The following NTRK2 variants were observed in gnomAD, a reference collection of about 807,000 sequenced individuals.
NTRK2 encodes the protein neurotrophic receptor tyrosine kinase 2, also known as BDNF/NT-3 growth factors receptor.
In NTRK2, 13 loss-of-function variants were observed where a neutral mutation model predicts 94.5. That is an observed-to-expected ratio of 0.14 (90% CI 0.09 to 0.22). NTRK2 has a LOEUF of 0.22. Among genes scored for constraint, NTRK2 ranks in the 10% least tolerant of loss-of-function variants. The pLI, the probability that NTRK2 is intolerant of heterozygous loss-of-function variation, is 1.00. For missense variants in NTRK2, 639 were observed against 1,071.2 expected (o/e 0.60, Z 5.63); for synonymous variants, 372 against 407.4 (o/e 0.91, Z 1.05).
intron 2 of NTRK2, among the ~76,000 whole-genome samples, chr9:84,679,416 G>A (rs2059261435): frequency 1.3e-5 from 2 of 152,172 alleles, no homozygotes. Context: ...CGACCTGTGG[G>A]CAGACCATCA....
At chr9:84,880,597 G>A (rs766494459) in intron 14 of NTRK2, among the ~76,000 whole-genome samples, 5 of 152,148 alleles carry the variant, frequency 3.3e-5, no homozygotes, top group African/African-American at 7.2e-5. Flanking sequence ...GCATTCATAC[G>A]TGGCATTCTT....
At chr9:84,945,801 T>G (rs529097876) in intron 15 of NTRK2, among the ~76,000 whole-genome samples, 20 of 152,350 alleles carry the variant, frequency 1.3e-4, no homozygotes, top group African/African-American at 4.8e-4. Context: ...CCCTGAGCAC[T>G]TGCTGACCCA....
At chr9:84,985,824 A>C (rs928673334) in intron 17 of NTRK2, among the ~76,000 whole-genome samples, 2 of 152,214 alleles carry the variant, frequency 1.3e-5, no homozygotes, top group African/African-American at 4.8e-5. Context: ...AGGATCACAC[A>C]GTTTAATTAA....
At chr9:84,920,862 A>G (rs2077543365) in intron 14 of NTRK2, among the ~76,000 whole-genome samples, 1 of 152,204 alleles carries the variant, frequency 6.6e-6, no homozygotes, top group Non-Finnish European at 1.5e-5. Context: ...TCATCAGCAG[A>G]TTACTTCCTC....
intron 12 of NTRK2, among the ~76,000 whole-genome samples, chr9:84,843,116 C>G (rs2074275046): frequency 6.6e-6 from 1 of 152,126 alleles, no homozygotes; most frequent in Admixed American, 6.5e-5. Context: ...CGGTGAGGAG[C>G]TAATAAAATG....
At chr9:85,020,002 TA>T (rs1488673379) in intron 17 of NTRK2, among the ~76,000 whole-genome samples, 1 of 152,214 alleles carries the variant, frequency 6.6e-6, no homozygotes, top group Admixed American at 6.5e-5. Flanking sequence ...TTGCAGATAA[TA>T]TTTTTTTAAA....
chr9:84,686,106 G>A (rs1236995204), intron 2 of NTRK2, among the ~76,000 whole-genome samples: 4 of 152,180 alleles, frequency 2.6e-5, no homozygotes, highest in Non-Finnish European at 4.4e-5. Context: ...TCATCAATAT[G>A]TAAATCTCTA....
At chr9:84,829,440 T>G (rs2131648569) in intron 12 of NTRK2, among the ~76,000 whole-genome samples, 1 of 152,356 alleles carries the variant, frequency 6.6e-6, no homozygotes, top group South Asian at 2.1e-4. Context: ...AGGTTCACTC[T>G]ATGGACTCCT....
At chr9:84,873,905 C>T (rs951208434) in intron 14 of NTRK2, 1 of 1,062,422 alleles carries the variant, frequency 9.4e-7, no homozygotes, top group South Asian at 4.6e-5. Context: ...GTCAGGGAGA[C>T]AGAGTGATAT....
chr9:85,018,743 A>T (rs1372553570), intron 17 of NTRK2, among the ~76,000 whole-genome samples: 1 of 152,130 alleles, frequency 6.6e-6, no homozygotes, highest in Non-Finnish European at 1.5e-5. Context: ...TTGAGTATCG[A>T]CCCTGAGGGT....
chr9:84,798,987 G>T (rs566489834), intron 12 of NTRK2, among the ~76,000 whole-genome samples: 2 of 145,212 alleles, frequency 1.4e-5, no homozygotes, highest in East Asian at 2.0e-4. Context: ...ATTATCATTA[G>T]CTCCATTTTA....
At chr9:84,703,829 G>A (rs1044646755) in intron 4 of NTRK2, among the ~76,000 whole-genome samples, 5 of 152,128 alleles carry the variant, frequency 3.3e-5, no homozygotes, top group African/African-American at 1.2e-4. Context: ...AATCATTTTT[G>A]CAGTCTGCAC....
intron 13 of NTRK2, among the ~76,000 whole-genome samples, chr9:84,866,467 G>A (rs1212563681): frequency 6.6e-6 from 1 of 152,210 alleles, no homozygotes; most frequent in Non-Finnish European, 1.5e-5. Context: ...GAAATTCCCA[G>A]AACAACTTTC....
At chr9:84,945,080 C>A (rs1466910716) in intron 15 of NTRK2, among the ~76,000 whole-genome samples, 1 of 152,208 alleles carries the variant, frequency 6.6e-6, no homozygotes, top group African/African-American at 2.4e-5. Flanking sequence ...AAGGGGAACA[C>A]AAGTTTGGGG....
chr9:84,745,650 C>G (rs531645260), intron 11 of NTRK2, among the ~76,000 whole-genome samples: 34 of 152,178 alleles, frequency 2.2e-4, no homozygotes, highest in African/African-American at 7.9e-4. Flanking sequence ...CTTTGTGGGG[C>G]AAGTGACTTT....
At chr9:84,734,447 G>C (rs2063110074) in intron 9 of NTRK2, among the ~76,000 whole-genome samples, 1 of 152,168 alleles carries the variant, frequency 6.6e-6, no homozygotes, top group Non-Finnish European at 1.5e-5. Flanking sequence ...CCCAGAAAAA[G>C]GATCTTGAGA....
chr9:84,689,003 G>A (rs1342476230), intron 2 of NTRK2, among the ~76,000 whole-genome samples: 1 of 152,168 alleles, frequency 6.6e-6, no homozygotes, highest in Non-Finnish European at 1.5e-5. Context: ...GGAAAAGTGG[G>A]CAATAATAGA....
At chr9:84,915,546 G>A (rs2077370525) in intron 14 of NTRK2, among the ~76,000 whole-genome samples, 1 of 152,128 alleles carries the variant, frequency 6.6e-6, no homozygotes, top group Admixed American at 6.5e-5. Flanking sequence ...GCAATCTGAG[G>A]CCCTCTCCAG....
chr9:85,023,682 T>C lies in NTRK2; in HGVS notation c.*2245T>C. 1 of 230,730 alleles carries C rather than the reference T, an allele frequency of 4.3e-6. No individual in the cohort carries two copies. The highest frequency in any genetic ancestry group is 8.6e-6 in the Non-Finnish European group (1 of 116,502). The allele number at this position is 230,730 out of a possible 1,614,324, so 14.3% of individuals were successfully genotyped here. ...ACATATATATACATACATGTGCATG[T>C]ATGTATCATATTAAGGACCCATGGT... On this transcript the variant is annotated 3_prime_UTR_variant, in exon 19 of 19. Transcript: ENST00000277120.
Sources: allele counts gnomAD v4.1 joint callset (sites outside exome capture counted in the v4.1 genomes callset), GRCh38; gene constraint gnomAD v4.1.1; transcripts MANE v1.5; gene names NCBI Gene and HGNC (gene_info 2026-07-23, HGNC 2026-07-21).